The following ROBO1 variants were observed in gnomAD, a reference collection of about 807,000 sequenced individuals.
ROBO1 encodes roundabout guidance receptor 1, also known as roundabout homolog 1.
In ROBO1, 149 loss-of-function variants were observed where a neutral mutation model predicts 195.9. The observed-to-expected ratio is 0.76, with a 90% CI of 0.67 to 0.87. The LOEUF (loss-of-function observed/expected upper bound fraction) is 0.87, where lower values mean the gene tolerates loss of function less well. Among genes scored for constraint, ROBO1 ranks in the 40% least tolerant of loss-of-function variants. The pLI, the probability that ROBO1 is intolerant of heterozygous loss-of-function variation, is 0.00. For missense variants in ROBO1, 1,933 were observed against 2,068.3 expected (o/e 0.93, Z 1.27); for synonymous variants, 816 against 733.2 (o/e 1.11, Z -1.82).
chr3:79,361,322 A>T (rs2035760962), intron 2 of ROBO1, among the ~76,000 whole-genome samples: 1 of 152,092 alleles, frequency 6.6e-6, no homozygotes, highest in Admixed American at 6.6e-5. Flanking sequence ...GTCAGATTGA[A>T]TCAAAAAGTA....
At chr3:79,733,677 T>C (rs747667210) in intron 1 of ROBO1, among the ~76,000 whole-genome samples, 2 of 151,796 alleles carry the variant, frequency 1.3e-5, no homozygotes, top group Non-Finnish European at 2.9e-5. Flanking sequence ...TTCCAAACAT[T>C]CTCCTTGACT....
intron 2 of ROBO1, among the ~76,000 whole-genome samples, chr3:79,152,545 A>G (rs2080791395): frequency 1.3e-5 from 2 of 151,866 alleles, no homozygotes; most frequent in Non-Finnish European, 2.9e-5. Context: ...AAATGCTAGG[A>G]AAATCATGTT....
At chr3:79,708,853 C>A (rs1259459857) in intron 1 of ROBO1, among the ~76,000 whole-genome samples, 1 of 152,030 alleles carries the variant, frequency 6.6e-6, no homozygotes, top group African/African-American at 2.4e-5. Context: ...GGCAACAGAG[C>A]GAGTCCTTGT....
intron 4 of ROBO1, among the ~76,000 whole-genome samples, chr3:78,900,198 A>G (rs2037501126): frequency 6.6e-6 from 1 of 152,224 alleles, no homozygotes. Context: ...AATCAATAGT[A>G]ACATATTAAC....
chr3:79,680,505 G>A (rs946013239), intron 1 of ROBO1, among the ~76,000 whole-genome samples: 2 of 152,036 alleles, frequency 1.3e-5, no homozygotes, highest in African/African-American at 4.8e-5. Context: ...ACTGAAAAGT[G>A]AGGTACATGA....
At chr3:78,707,020 C>G (rs536709204) in intron 8 of ROBO1, among the ~76,000 whole-genome samples, 1 of 152,164 alleles carries the variant, frequency 6.6e-6, no homozygotes, top group Admixed American at 6.5e-5. Context: ...CAAACTAATG[C>G]TTACAGCCTG....
chr3:78,623,411 C>G (rs1256795596), intron 26 of ROBO1, among the ~76,000 whole-genome samples: 2 of 152,100 alleles, frequency 1.3e-5, no homozygotes, highest in Admixed American at 6.5e-5. Flanking sequence ...ATTCCAGGAA[C>G]TAGAAGAAAC....
intron 2 of ROBO1, among the ~76,000 whole-genome samples, chr3:79,214,928 A>G (rs1358042024): frequency 6.6e-6 from 1 of 151,570 alleles, no homozygotes; most frequent in Non-Finnish European, 1.5e-5. Context: ...TGAATGCTGT[A>G]CAAGTTTTTT....
chr3:79,138,138 G>T (rs188986773), intron 2 of ROBO1, among the ~76,000 whole-genome samples: 2 of 152,096 alleles, frequency 1.3e-5, no homozygotes, highest in African/African-American at 2.4e-5. Context: ...GATACATTGA[G>T]ATTTTTTTGA....
chr3:79,172,495 G>C (rs2081185289), intron 2 of ROBO1, among the ~76,000 whole-genome samples: 1 of 152,062 alleles, frequency 6.6e-6, no homozygotes, highest in Admixed American at 6.5e-5. Flanking sequence ...CACTTCACAG[G>C]GACAGTTGAT....
Position 78,657,112 on chromosome 3 carries a change from T to C in ROBO1, c.2600A>G (p.Gln867Arg). 6.2e-7 allele frequency: 1 copy of C among 1,608,912 alleles called. No homozygotes were observed. The highest frequency in any genetic ancestry group is 8.5e-7 in the Non-Finnish European group (1 of 1,177,598). The change falls in exon 18 of 31, where the codon CAG becomes CGG. Residue 867 changes from glutamine (Q) to arginine (R), a missense_variant. Coordinates refer to ENST00000464233, the MANE Select transcript of ROBO1 (RefSeq NM_002941.4). The part of the protein sequence containing the change: ...GAGSGVKSEP[Q>R]FIQLDAHGNP... ...CTGACACTCACCCAGCTGGATGAAC[T>C]GAGGCTCACTCTTTACCCCAGACCC...
chr3:78,717,812 G>T lies in ROBO1; in HGVS notation c.729C>A (p.Thr243=). ...CACTCTCACGTTCCCCAACCATATT[G>T]GTACCAACACAAACATATTTGCCAG... ...SDAGKYVCVG[T]NMVGERESEV... Residue 243 remains threonine (T), a synonymous_variant, in exon 6 of 31, where the codon ACC becomes ACA. Coordinates refer to ENST00000464233, the MANE Select transcript of ROBO1 (RefSeq NM_002941.4). 6.2e-7 allele frequency: 1 copy of T among 1,613,574 alleles called. No individual in the cohort carries two copies. Among genetic ancestry groups the T allele is most frequent in the African/African-American group, 1.3e-5 (1 of 75,004 alleles).
intron 2 of ROBO1, among the ~76,000 whole-genome samples, chr3:79,579,050 T>G (rs1425987549): frequency 1.3e-5 from 2 of 152,174 alleles, no homozygotes; most frequent in Non-Finnish European, 2.9e-5. Context: ...TTAAAAAACA[T>G]TTTGACTCTG....
chr3:78,961,570 T>G (rs2107836549), intron 3 of ROBO1, among the ~76,000 whole-genome samples: 1 of 152,308 alleles, frequency 6.6e-6, no homozygotes, highest in African/African-American at 2.4e-5. Flanking sequence ...CACAACATTC[T>G]GAAGTGGGCA....
chr3:79,674,303 A>G (rs757111791), intron 1 of ROBO1, among the ~76,000 whole-genome samples: 2 of 152,002 alleles, frequency 1.3e-5, no homozygotes, highest in Non-Finnish European at 2.9e-5. Context: ...TTAACACTGA[A>G]GAACACGTGG....
At chr3:78,915,624 A>T (rs938613901) in intron 4 of ROBO1, among the ~76,000 whole-genome samples, 3 of 152,038 alleles carry the variant, frequency 2.0e-5, no homozygotes, top group African/African-American at 7.2e-5. Flanking sequence ...ATTAACATAA[A>T]ATTTAGTAAA....
At chr3:79,463,493 A>G (rs1937773180) in intron 2 of ROBO1, among the ~76,000 whole-genome samples, 1 of 152,070 alleles carries the variant, frequency 6.6e-6, no homozygotes, top group Non-Finnish European at 1.5e-5. Context: ...TAAGAAATGT[A>G]GACAGTCAGT....
At chr3:79,609,975 A>G (rs1417265302) in intron 1 of ROBO1, among the ~76,000 whole-genome samples, 1 of 151,972 alleles carries the variant, frequency 6.6e-6, no homozygotes, top group Non-Finnish European at 1.5e-5. Flanking sequence ...TTTGAACTGT[A>G]TAGGTAAAGA....
At chr3:78,783,503 A>T (rs1311628748) in intron 4 of ROBO1, among the ~76,000 whole-genome samples, 5 of 152,212 alleles carry the variant, frequency 3.3e-5, no homozygotes, top group African/African-American at 1.2e-4. Context: ...ATAAATTATT[A>T]TCACAATAGT....
Sources: gnomAD v4.1 joint callset for allele counts (sites outside exome capture counted in the v4.1 genomes callset) on GRCh38, gnomAD v4.1.1 for gene constraint, MANE v1.5 for transcripts, NCBI Gene and HGNC (gene_info 2026-07-23, HGNC 2026-07-21) for gene names.